The following CSMD1 variants were observed in gnomAD, a reference collection of about 807,000 sequenced individuals.
The protein encoded by CSMD1 is CUB and Sushi multiple domains 1.
Under a neutral mutation model 417.5 loss-of-function variants are expected in CSMD1, and 213 were observed. The ratio of observed to expected loss-of-function variants is 0.51; its 90% CI spans 0.46 to 0.57. CSMD1 has a LOEUF of 0.57. Among genes scored for constraint, CSMD1 ranks in the 20% least tolerant of loss-of-function variants. CSMD1 has a pLI of 0.00. For synonymous variants in CSMD1, 2,862 were observed against 1,736.8 expected (o/e 1.65, Z -16.11); for missense variants, 6,923 against 4,529.7 (o/e 1.53, Z -15.17).
chr8:3,197,155 C>A (rs1390276454), intron 33 of CSMD1, among the ~76,000 whole-genome samples: 1 of 152,216 alleles, frequency 6.6e-6, no homozygotes. Flanking sequence ...ATCATTAATT[C>A]TGTCTTCACA....
chr8:4,994,421 G>T lies in CSMD1; in HGVS notation c.-5C>A. On this transcript the variant is annotated 5_prime_UTR_variant, in exon 1 of 70. Transcript: ENST00000635120. ...GAATCTCCTCCACGCAGTCATGTCT[G>T]CAGATACTCCACACGCACGCGACAC... is the stretch of plus-strand genomic sequence containing the variant. 1.9e-6 allele frequency: 3 copies of T among 1,610,962 alleles called. No individual in the cohort carries two copies. Among genetic ancestry groups the T allele is most frequent in the East Asian group, 4.5e-5 (2 of 44,850 alleles).
At chr8:4,993,935 G>T (rs994068154) in intron 1 of CSMD1, among the ~76,000 whole-genome samples, 1 of 152,082 alleles carries the variant, frequency 6.6e-6, no homozygotes, top group Admixed American at 6.5e-5. Context: ...CGTCGGGTCC[G>T]GGGAGAAAGT....
At chr8:4,993,262 G>C (rs1007235075) in intron 1 of CSMD1, among the ~76,000 whole-genome samples, 1 of 152,178 alleles carries the variant, frequency 6.6e-6, no homozygotes, top group African/African-American at 2.4e-5. Flanking sequence ...AAAACCCTTT[G>C]TAGATACAGA....
intron 2 of CSMD1, among the ~76,000 whole-genome samples, chr8:4,445,507 T>C (rs1340416018): frequency 2.6e-5 from 4 of 152,350 alleles, no homozygotes; most frequent in Admixed American, 2.0e-4. Flanking sequence ...AAGCCAATTT[T>C]ATACTTCATT....
intron 20 of CSMD1, among the ~76,000 whole-genome samples, chr8:3,361,515 G>A (rs1809167290): frequency 6.6e-6 from 1 of 151,688 alleles, no homozygotes; most frequent in Non-Finnish European, 1.5e-5. Context: ...AGCTGGGCAT[G>A]GTGGTGCATG....
At chr8:3,153,473 T>C (rs1819326223) in intron 39 of CSMD1, among the ~76,000 whole-genome samples, 1 of 152,162 alleles carries the variant, frequency 6.6e-6, no homozygotes, top group African/African-American at 2.4e-5. Flanking sequence ...TCTCCTGGGG[T>C]GTGGATCACA....
At chr8:3,508,573 A>C (rs1160670927) in intron 10 of CSMD1, among the ~76,000 whole-genome samples, 1 of 152,206 alleles carries the variant, frequency 6.6e-6, no homozygotes, top group Non-Finnish European at 1.5e-5. Context: ...AAAGATTCAG[A>C]TGAATGAACT....
At chr8:3,271,861 T>A (rs1295708049) in intron 26 of CSMD1, among the ~76,000 whole-genome samples, 1 of 152,118 alleles carries the variant, frequency 6.6e-6, no homozygotes, top group South Asian at 2.1e-4. Flanking sequence ...TTGTGAAAAT[T>A]TTCTCCCATT....
intron 25 of CSMD1, among the ~76,000 whole-genome samples, chr8:3,300,808 A>AT (rs202035255): frequency 0.083 from 12,658 of 151,738 alleles, 670 homozygotes; most frequent in Non-Finnish European, 0.12. Context: ...ATACAAAAAA[A>AT]ATTAGCTGGG....
intron 3 of CSMD1, among the ~76,000 whole-genome samples, chr8:4,077,952 G>C (rs530695605): frequency 5.9e-5 from 9 of 151,846 alleles, no homozygotes; most frequent in Non-Finnish European, 1.2e-4. Flanking sequence ...ACCCATACTC[G>C]CCCTGCATGT....
chr8:4,848,176 T>C (rs1585206413), intron 1 of CSMD1, among the ~76,000 whole-genome samples: 1 of 152,232 alleles, frequency 6.6e-6, no homozygotes, highest in East Asian at 1.9e-4. Context: ...GGCTGAATAA[T>C]ATTTCATTGT....
chr8:4,564,944 T>C (rs969296565), intron 2 of CSMD1, among the ~76,000 whole-genome samples: 3 of 152,222 alleles, frequency 2.0e-5, no homozygotes, highest in Non-Finnish European at 2.9e-5. Context: ...TCTAGTGTTA[T>C]GAATTTTTGT....
At chr8:3,149,000 T>A (rs1006917880) in intron 40 of CSMD1, among the ~76,000 whole-genome samples, 5 of 152,244 alleles carry the variant, frequency 3.3e-5, no homozygotes, top group Non-Finnish European at 7.3e-5. Context: ...CTCTTCTAGA[T>A]CCTCTTTAAA....
intron 3 of CSMD1, among the ~76,000 whole-genome samples, chr8:4,113,559 C>A (rs879588594): frequency 7.9e-5 from 12 of 152,074 alleles, no homozygotes; most frequent in Non-Finnish European, 1.6e-4. Flanking sequence ...CACGTGCCAG[C>A]ACACCTGGCT....
intron 10 of CSMD1, among the ~76,000 whole-genome samples, chr8:3,518,139 GA>G (rs1046728256): frequency 1.4e-5 from 2 of 146,972 alleles, no homozygotes; most frequent in Non-Finnish European, 3.0e-5. Context: ...ACTATTTCTA[GA>G]AAAAAAAGAA....
intron 1 of CSMD1, among the ~76,000 whole-genome samples, chr8:4,700,085 G>C (rs1038018088): frequency 1.3e-5 from 2 of 152,132 alleles, no homozygotes; most frequent in African/African-American, 4.8e-5. Context: ...AGATGAAGGA[G>C]CTCACCACAG....
chr8:3,868,193 G>T (rs1805238101), intron 5 of CSMD1, among the ~76,000 whole-genome samples: 2 of 151,380 alleles, frequency 1.3e-5, no homozygotes, highest in Non-Finnish European at 2.9e-5. Flanking sequence ...GGTGCAGTTG[G>T]ATGTACTGCG....
intron 7 of CSMD1, among the ~76,000 whole-genome samples, chr8:3,679,162 A>C (rs1256049913): frequency 2.0e-5 from 3 of 152,186 alleles, no homozygotes; most frequent in African/African-American, 7.2e-5. Flanking sequence ...TCATAATGAC[A>C]GGATCAAATT....
intron 7 of CSMD1, 45 bp from the exon 8 acceptor site, chr8:3,616,842 G>T: frequency 1.5e-6 from 2 of 1,346,918 alleles, no homozygotes; most frequent in South Asian, 1.3e-5. Context: ...TAGTTATTGA[G>T]GAAATACCCA....
Sources: allele counts gnomAD v4.1 joint callset (sites outside exome capture counted in the v4.1 genomes callset), GRCh38; gene constraint gnomAD v4.1.1; transcripts MANE v1.5; gene names NCBI Gene and HGNC (gene_info 2026-07-23, HGNC 2026-07-21).